The following RNF151 variants were observed in gnomAD, a reference collection of about 807,000 sequenced individuals.
RNF151 encodes the protein ring finger protein 151.
RNF151 carries 9 observed loss-of-function variants against 11.1 expected under a neutral mutation model. The observed-to-expected ratio is 0.81, with a 90% CI of 0.49 to 1.42. RNF151 has a LOEUF of 1.42. RNF151 is among the 40% of genes most tolerant of loss of function. The pLI is 0.00. For missense variants in RNF151, 372 were observed against 342.9 expected, an observed-to-expected ratio of 1.08 and a Z score of -0.67; for synonymous variants, 172 against 140.7, an observed-to-expected ratio of 1.22 and a Z score of -1.58.
At chr16:1,968,365 G>A (rs938169581) in intron 3 of RNF151, 69 bp from the exon 4 acceptor site, 1 of 1,444,430 alleles carries the variant, frequency 6.9e-7, no homozygotes, top group Non-Finnish European at 9.1e-7. Context: ...CTGGCGAATG[G>A]AAAGCCAGGG....
intron 3 of RNF151, 119 bp from the exon 4 acceptor site, chr16:1,968,315 A>T: frequency 7.8e-7 from 1 of 1,283,238 alleles, no homozygotes; most frequent in Middle Eastern, 2.3e-4. Flanking sequence ...CCAACTCACC[A>T]GAGTCAGAAA....
rs1437423475 is a variant in RNF151 at position 1,967,826 on chromosome 16, C to T, written c.246+5C>T. 2 of 1,596,218 alleles carry T rather than the reference C, an allele frequency of 1.3e-6. No individual in the cohort carries two copies. Among genetic ancestry groups the T allele is most frequent in the East Asian group, 4.5e-5 (2 of 44,396 alleles). ...ATTGGCCGCCTGGAAGTCAAGGTAG[C>T]TCAAAGTACCCACTCCCCTGACCCT... On this transcript the variant is annotated splice_donor_5th_base_variant and intron_variant, in intron 3 of 3. Coordinates refer to ENST00000569714, the MANE Select transcript of RNF151 (RefSeq NM_174903.6).
chr16:1,968,753 T>C lies in RNF151; in HGVS notation c.566T>C (p.Leu189Pro). ...TCCCTCCTGCGGCGTGTGCGCTGGCTGGACCAAGCCACCAGTGTCGTTCGT... is the reference window on the plus strand; with the variant it reads ...TCCCTCCTGCGGCGTGTGCGCTGGCCGGACCAAGCCACCAGTGTCGTTCGT... Reference protein sequence around the residue: ...LLSLLRRVRWLDQATSVVRRE... With the variant: ...LLSLLRRVRWPDQATSVVRRE... The change falls in exon 4 of 4, where the codon CTG (leucine) becomes CCG (proline). Residue 189 changes from leucine (L) to proline (P), a missense_variant. Physicochemically the swap from Leu to Pro is moderately conservative, Grantham distance 98. Transcript: ENST00000569714. 6.3e-7 allele frequency: 1 copy of C among 1,581,100 alleles called. No individual in the cohort carries two copies. Among genetic ancestry groups the C allele is most frequent in the Middle Eastern group, 1.7e-4 (1 of 6,028 alleles).
Position 1,967,753 on chromosome 16 carries a change from G to A in RNF151, c.178G>A (p.Glu60Lys). Residue 60 changes from glutamate (E) to lysine (K), a missense_variant, in exon 3 of 4, where the codon GAG becomes AAG. Coordinates refer to ENST00000569714, the MANE Select transcript of RNF151 (RefSeq NM_174903.6). ...RQKTCPCCRK[E>K]VKRKKVVHMN... ...AAAGACCTGTCCGTGCTGTAGGAAA[G>A]AGGTGAAAAGGAAAAAGGTTGTCCA... The A allele has an allele frequency of 6.2e-7, 1 of 1,612,062 alleles. No individual in the cohort carries two copies. Among genetic ancestry groups the A allele is most frequent in the Non-Finnish European group, 8.5e-7 (1 of 1,179,164 alleles).
chr16:1,968,667 C>A lies in RNF151; in HGVS notation c.480C>A (p.Cys160Ter), dbSNP rs2083334081. The change falls in exon 4 of 4, where the codon TGC (cysteine) becomes TGA (stop). Residue 160 changes from cysteine (C) to a stop codon, truncating the protein, a stop_gained. Coordinates refer to ENST00000569714, the MANE Select transcript of RNF151 (RefSeq NM_174903.6). LOFTEE classifies it low-confidence loss of function (END_TRUNC). The stretch of plus-strand genomic sequence containing the variant: ...CGGCCGAGCGTGCTCGCCACAACTG[C>A]TACCGGGAGCTGCACAACGCCTGGA... ...LDPAERARHN[C>*]YRELHNAWSV... The A allele has an allele frequency of 1.9e-6, 3 of 1,567,716 alleles. No individual in the cohort carries two copies. Among genetic ancestry groups the A allele is most frequent in the Non-Finnish European group, 2.6e-6 (3 of 1,157,292 alleles).
chr16:1,968,660 A>T lies in RNF151; in HGVS notation c.473A>T (p.His158Leu), dbSNP rs542057668. 2.4e-4 allele frequency: 372 copies of T among 1,567,586 alleles called. No homozygotes were observed. Among genetic ancestry groups the T allele is most frequent in the Admixed American group, 2.0e-3 (108 of 53,284 alleles). Residue 158 changes from histidine (H) to leucine (L), a missense_variant, in exon 4 of 4, where the codon CAC becomes CTC. Coordinates refer to ENST00000569714, the MANE Select transcript of RNF151 (RefSeq NM_174903.6). The part of the protein sequence containing the change: ...ATLDPAERAR[H>L]NCYRELHNAW... ...CTGGACCCGGCCGAGCGTGCTCGCC[A>T]CAACTGCTACCGGGAGCTGCACAAC...
intron 1 of RNF151, 161 bp from the exon 2 acceptor site, chr16:1,967,113 C>T (rs117272793): frequency 0.022 from 12,188 of 543,350 alleles, 165 homozygotes; most frequent in Non-Finnish European, 0.026. Context: ...GGGGCCCTAA[C>T]CCCCACAGCT....
chr16:1,968,404 G>C (rs945609777), intron 3 of RNF151, 30 bp from the exon 4 acceptor site: 2 of 1,498,984 alleles, frequency 1.3e-6, no homozygotes, highest in South Asian at 2.6e-5. Context: ...GTCCTGCCCG[G>C]TTTCTTCACA....
Position 1,968,706 on chromosome 16 carries a change from G to A in RNF151, c.519G>A (p.Glu173=). 1.3e-6 allele frequency: 2 copies of A among 1,565,650 alleles called. No homozygotes were observed. The highest frequency in any genetic ancestry group is 8.7e-7 in the Non-Finnish European group (1 of 1,155,994). ...ACAACGCCTGGAGCGTGCGCCAGGA[G>A]CGCCGTCGGCCCCTGCTGCTGTCCC... ...ELHNAWSVRQ[E]RRRPLLLSLL... Residue 173 remains glutamate (E), a synonymous_variant, in exon 4 of 4, where the codon GAG becomes GAA. Transcript: ENST00000569714.
In RNF151 at chr16:1,967,835, C is replaced by T. The variant is rs1054057320; in HGVS notation, c.246+14C>T. 2.5e-6 allele frequency: 4 copies of T among 1,578,972 alleles called. No homozygotes were observed. The African/African-American group carries it at 5.4e-5, about 21-fold the overall frequency. Reference sequence around the variant, plus strand: ...CTGGAAGTCAAGGTAGCTCAAAGTACCCACTCCCCTGACCCTCAACCCTTC... The same window carrying T: ...CTGGAAGTCAAGGTAGCTCAAAGTATCCACTCCCCTGACCCTCAACCCTTC... On this transcript the variant is annotated intron_variant, in intron 3 of 3. Coordinates refer to ENST00000569714, the MANE Select transcript of RNF151 (RefSeq NM_174903.6).
chr16:1,967,812 G>A lies in RNF151; in HGVS notation c.237G>A (p.Leu79=), dbSNP rs1221621141. Residue 79 remains leucine (L), a synonymous_variant, in exon 3 of 4, where the codon CTG becomes CTA. Transcript: ENST00000569714. ...AACTCCGGAAAACCATTGGCCGCCT[G>A]GAAGTCAAGGTAGCTCAAAGTACCC... ...MNKLRKTIGR[L]EVKCKNADAG... is the part of the protein sequence containing the mutation. 1 of 1,607,044 alleles carries A rather than the reference G, an allele frequency of 6.2e-7. No homozygotes were observed. The highest frequency in any genetic ancestry group is 2.2e-5 in the East Asian group (1 of 44,686).
chr16:1,967,488 C>T, intron 2 of RNF151, 69 bp downstream of exon 2: 1 of 1,424,634 alleles, frequency 7.0e-7, no homozygotes, highest in Non-Finnish European at 9.7e-7. Context: ...TGGCCCAGAA[C>T]AGAGGGGAAA....
Position 1,968,557 on chromosome 16 carries a change from C to T in RNF151, c.370C>T (p.Arg124Cys), listed in dbSNP as rs764353375. 7 of 1,608,452 alleles carry T rather than the reference C, an allele frequency of 4.4e-6. No individual in the cohort carries two copies. The highest frequency in any genetic ancestry group is 1.1e-5 in the South Asian group (1 of 90,176). Residue 124 changes from arginine to cysteine, a missense_variant, in exon 4 of 4, where the codon CGT (arginine) becomes TGT (cysteine). Transcript: ENST00000569714. ...PNEGCTSQVP[R>C]GTLAEHRQHC... is the part of the protein sequence containing the mutation. The stretch of plus-strand genomic sequence containing the variant: ...CGAGGGCTGCACCTCGCAGGTGCCG[C>T]GTGGGACCCTGGCAGAGCACCGGCA...
chr16:1,967,026 T>C, intron 1 of RNF151, 142 bp downstream of exon 1: 1 of 1,134,054 alleles, frequency 8.8e-7, no homozygotes, highest in South Asian at 1.6e-5. Context: ...CAAGGAAACC[T>C]TCTGGAAGGC....
chr16:1,966,961 C>G lies in RNF151; in HGVS notation c.3+77C>G. 4 of 1,470,326 alleles carry G rather than the reference C, an allele frequency of 2.7e-6. No homozygotes were observed. The South Asian group carries it at 4.0e-5, about 15-fold the overall frequency. 91.1% of individuals were successfully genotyped at this position (1,470,326 alleles called of 1,614,324 possible). A position where few individuals can be genotyped will look rare whatever the true frequency, so the allele number is the denominator to read the frequency against. On this transcript the variant is annotated intron_variant, in intron 1 of 3. Coordinates refer to ENST00000569714, the MANE Select transcript of RNF151 (RefSeq NM_174903.6). ...GAAACCTGCCCAGTTGTCCAGGGAT[C>G]GACCCCACTCCACTCGGAAAGGGTG...
chr16:1,968,941 C>T lies in RNF151; in HGVS notation c.*16C>T, dbSNP rs1017336837. The T allele has an allele frequency of 2.6e-6, 4 of 1,559,642 alleles. No individual in the cohort carries two copies. The African/African-American group carries it at 4.1e-5, about 16-fold the overall frequency. ...TTGTAAATAGGTAAATAAAAGCAGACCCCCGGCCTGCCTGCCTCTGTGCCT... is the reference window on the plus strand; with the variant it reads ...TTGTAAATAGGTAAATAAAAGCAGATCCCCGGCCTGCCTGCCTCTGTGCCT... On this transcript the variant is annotated 3_prime_UTR_variant, in exon 4 of 4. Coordinates refer to ENST00000569714, the MANE Select transcript of RNF151 (RefSeq NM_174903.6).
chr16:1,967,588 C>G, intron 2 of RNF151, 137 bp from the exon 3 acceptor site: 1 of 926,552 alleles, frequency 1.1e-6, no homozygotes, highest in Non-Finnish European at 1.7e-6. Flanking sequence ...GCCCCACCCT[C>G]AGAGCTGAGA....
chr16:1,968,871 C>G lies in RNF151; in HGVS notation c.684C>G (p.Gly228=). The G allele has an allele frequency of 6.2e-7, 1 of 1,600,384 alleles. No homozygotes were observed. The highest frequency in any genetic ancestry group is 8.5e-7 in the Non-Finnish European group (1 of 1,174,252). ...AGGAGGCCGAGGCTGCCCCAGAAGG[C>G]AACGTTGGGGCTGAGGTGGTGGGGG... ...PQEEAEAAPE[G]NVGAEVVGEP... is the part of the protein sequence containing the mutation. Residue 228 remains glycine (G), a synonymous_variant, in exon 4 of 4, where the codon GGC becomes GGG. Coordinates refer to ENST00000569714, the MANE Select transcript of RNF151 (RefSeq NM_174903.6).
rs747527484 is a variant in RNF151, at chr16:1,967,294, C to T, written c.24C>T (p.Asn8=). ...TGCAGGGTGGCGGGTATGATCTCAACCTCTTCGCCAGCCCTCCTGACAGCA... is the reference window on the plus strand; with the variant it reads ...TGCAGGGTGGCGGGTATGATCTCAATCTCTTCGCCAGCCCTCCTGACAGCA... MGGGYDL[N]LFASPPDSNF... The change falls in exon 2 of 4, where the codon AAC becomes AAT. Residue 8 remains asparagine, a synonymous_variant. Coordinates refer to ENST00000569714, the MANE Select transcript of RNF151 (RefSeq NM_174903.6). 8 of 1,613,242 alleles carry T rather than the reference C, an allele frequency of 5.0e-6. No homozygotes were observed. The East Asian group carries it at 1.1e-4, about 22-fold the overall frequency.
Sources: allele counts gnomAD v4.1 joint callset, GRCh38; gene constraint gnomAD v4.1.1; transcripts MANE v1.5; gene names NCBI Gene and HGNC (gene_info 2026-07-23, HGNC 2026-07-21).